FARP1: variants seen among roughly 807,000 people sequenced by gnomAD.
FARP1 encodes FERM, ARH/RhoGEF and pleckstrin domain protein 1, also known as FERM, ARHGEF and pleckstrin domain-containing protein 1.
In FARP1, 52 loss-of-function variants were observed where a neutral mutation model predicts 128.8. The observed-to-expected ratio is 0.40, with a 90% CI of 0.32 to 0.51. The LOEUF (loss-of-function observed/expected upper bound fraction) is 0.51. Ranked by LOEUF, FARP1 falls within the 20% of genes least tolerant of loss-of-function variation. FARP1 has a pLI of 0.45. For missense variants in FARP1, 1,333 were observed against 1,367.9 expected, an observed-to-expected ratio of 0.97 and a Z score of 0.40; for synonymous variants, 580 against 551.8, an observed-to-expected ratio of 1.05 and a Z score of -0.72.
intron 13 of FARP1, chr13:98,401,655 G>GA (rs1276588106): frequency 7.2e-6 from 1 of 138,206 alleles, no homozygotes; most frequent in African/African-American, 2.7e-5. Flanking sequence ...GTCTTGTTTT[G>GA]AAAAAAGTTC....
In FARP1 at chr13:98,448,578, G is replaced by A; in HGVS notation, c.*261G>A. 1 of 440,672 alleles carries A rather than the reference G, an allele frequency of 2.3e-6. No individual in the cohort carries two copies. The highest frequency in any genetic ancestry group is 4.0e-6 in the Non-Finnish European group (1 of 247,888). The allele number at this position is 440,672 out of a possible 1,614,324, so 27.3% of individuals were successfully genotyped here. ...CAGTATTAAAACATTGTCATTACGA[G>A]AGTGCCAAATGACATCTTCCCTCCA... On this transcript the variant is annotated 3_prime_UTR_variant, in exon 27 of 27. Transcript: ENST00000319562.
chr13:98,385,789 C>T lies in FARP1; in HGVS notation c.734C>T (p.Ala245Val). 6.2e-7 allele frequency: 1 copy of T among 1,614,130 alleles called. No homozygotes were observed. The highest frequency in any genetic ancestry group is 1.7e-5 in the Admixed American group (1 of 60,024). ...REGTKINLAV[A>V]NTGILVFQGF... The stretch of plus-strand genomic sequence containing the variant: ...GGCACGAAGATCAATCTGGCCGTTG[C>T]CAACACGGGAATTCTAGTGTTTCAG... Residue 245 changes from alanine to valine, a missense_variant, in exon 8 of 27, where the codon GCC (alanine) becomes GTC (valine). By Grantham distance (64) the Ala-to-Val change is moderately conservative. Around this residue, in one of 2 missense-constraint regions of FARP1, gnomAD observed 324 missense variants for 398.1 expected, o/e 0.81. Coordinates refer to ENST00000319562, the MANE Select transcript of FARP1 (RefSeq NM_005766.4).
intron 2 of FARP1, among the ~76,000 whole-genome samples, chr13:98,314,625 G>A (rs1886644986): frequency 6.6e-6 from 1 of 152,190 alleles, no homozygotes; most frequent in Admixed American, 6.5e-5. Flanking sequence ...GCTCAAAAAA[G>A]AAAGAGGTGG....
intron 13 of FARP1, chr13:98,401,413 A>ACACACACAC (rs1304010524): frequency 3.0e-5 from 3 of 99,544 alleles, no homozygotes; most frequent in African/African-American, 8.3e-5. Flanking sequence ...AAATAATGAC[A>ACACACACAC]AAACACACAC....
At chr13:98,377,251 G>A (rs1273918601) in intron 5 of FARP1, among the ~76,000 whole-genome samples, 1 of 150,752 alleles carries the variant, frequency 6.6e-6, no homozygotes, top group East Asian at 2.0e-4. Flanking sequence ...TCAGTGAGGC[G>A]AGATCACGCC....
chr13:98,153,508 TA>T (rs1352833220), intron 1 of FARP1, among the ~76,000 whole-genome samples: 37 of 100,084 alleles, frequency 3.7e-4, no homozygotes, highest in African/African-American at 6.8e-4. Flanking sequence ...AAAATATGTA[TA>T]AATATATATT....
At chr13:98,381,135 C>A (rs1289926861) in intron 6 of FARP1, among the ~76,000 whole-genome samples, 1 of 152,142 alleles carries the variant, frequency 6.6e-6, no homozygotes, top group Non-Finnish European at 1.5e-5. Flanking sequence ...ATTTGACATA[C>A]AGTCATGAGA....
At chr13:98,175,778 G>A (rs575982734) in intron 1 of FARP1, 35 of 203,776 alleles carry the variant, frequency 1.7e-4, no homozygotes, top group Middle Eastern at 2.0e-3. Context: ...ATCATACAGC[G>A]TATTGGTCAT....
intron 2 of FARP1, among the ~76,000 whole-genome samples, chr13:98,327,795 G>A (rs746460696): frequency 3.3e-5 from 5 of 152,152 alleles, no homozygotes; most frequent in Admixed American, 2.0e-4. Flanking sequence ...TCTCATAAAG[G>A]GTCGCAGCCT....
At chr13:98,389,383 A>T (rs775613916) in intron 9 of FARP1, 1 of 152,980 alleles carries the variant, frequency 6.5e-6, no homozygotes, top group Non-Finnish European at 1.5e-5. Context: ...AATTGGGAGC[A>T]GAAAATTTCT....
At chr13:98,430,817 T>G (rs1029362302) in intron 17 of FARP1, among the ~76,000 whole-genome samples, 2 of 152,268 alleles carry the variant, frequency 1.3e-5, no homozygotes, top group Non-Finnish European at 2.9e-5. Flanking sequence ...ATGATCCATG[T>G]GTATTTTAAA....
chr13:98,171,702 A>G (rs1213914955), intron 1 of FARP1, among the ~76,000 whole-genome samples: 1 of 152,244 alleles, frequency 6.6e-6, no homozygotes, highest in Non-Finnish European at 1.5e-5. Context: ...TTGTTAAAAA[A>G]TATGCAAAAT....
intron 2 of FARP1, among the ~76,000 whole-genome samples, chr13:98,280,574 G>A (rs1884886615): frequency 6.6e-6 from 1 of 152,220 alleles, no homozygotes; most frequent in African/African-American, 2.4e-5. Context: ...TGTACTGTCA[G>A]CACCCACGAC....
intron 24 of FARP1, among the ~76,000 whole-genome samples, chr13:98,442,500 C>G (rs1461129598): frequency 6.6e-6 from 1 of 152,228 alleles, no homozygotes; most frequent in Non-Finnish European, 1.5e-5. Flanking sequence ...CCCAGCTGTC[C>G]CCACATACGA....
chr13:98,413,458 G>C (rs11616596), intron 16 of FARP1, among the ~76,000 whole-genome samples: 4,903 of 152,178 alleles, frequency 0.032, 117 homozygotes, highest in Non-Finnish European at 0.045. Context: ...CCAGGAGTTC[G>C]AGAGCAGCCT....
chr13:98,336,670 G>T (rs1887757707), intron 2 of FARP1, among the ~76,000 whole-genome samples: 1 of 152,184 alleles, frequency 6.6e-6, no homozygotes, highest in African/African-American at 2.4e-5. Context: ...TTAGTATTCA[G>T]TGCGTACTTG....
At chr13:98,258,828 G>C (rs1257938155) in intron 2 of FARP1, among the ~76,000 whole-genome samples, 1 of 152,140 alleles carries the variant, frequency 6.6e-6, no homozygotes, top group East Asian at 1.9e-4. Context: ...GCTGTCATCT[G>C]GTAGGATCCT....
intron 1 of FARP1, among the ~76,000 whole-genome samples, chr13:98,181,638 T>C (rs1457972341): frequency 2.1e-5 from 1 of 48,396 alleles, no homozygotes; most frequent in African/African-American, 7.5e-5. Context: ...ATTTATTTAT[T>C]TATTTGAGAG....
intron 5 of FARP1, among the ~76,000 whole-genome samples, chr13:98,370,073 G>C (rs1309675073): frequency 6.6e-6 from 1 of 152,224 alleles, no homozygotes; most frequent in Non-Finnish European, 1.5e-5. Context: ...ATAGCGGCAA[G>C]AACTCTTTAG....
Sources: allele counts gnomAD v4.1 joint callset (sites outside exome capture counted in the v4.1 genomes callset), GRCh38; gene constraint gnomAD v4.1.1; regional missense constraint gnomAD v4.1.1; transcripts MANE v1.5; gene names NCBI Gene and HGNC (gene_info 2026-07-23, HGNC 2026-07-21).